SYNPR: variants seen among roughly 807,000 people sequenced by gnomAD.
The protein encoded by SYNPR is synaptoporin.
SYNPR carries 23 observed loss-of-function variants against 32.9 expected under a neutral mutation model. The observed-to-expected ratio is 0.70, with a 90% confidence interval of 0.50 to 0.99. The LOEUF (loss-of-function observed/expected upper bound fraction) is 0.99. Ranked by LOEUF, SYNPR falls within the 50% of genes least tolerant of loss-of-function variation. SYNPR has a pLI of 0.00. For missense variants in SYNPR, 318 were observed against 349.3 expected, an observed-to-expected ratio of 0.91 and a Z score of 0.71; for synonymous variants, 146 against 135.9, an observed-to-expected ratio of 1.07 and a Z score of -0.52.
At chr3:63,556,142 G>T (rs149547218) in intron 3 of SYNPR, among the ~76,000 whole-genome samples, 1 of 152,328 alleles carries the variant, frequency 6.6e-6, no homozygotes, top group Admixed American at 6.5e-5. Context: ...GAAACAGGGT[G>T]ATGGAGGACA....
At chr3:63,274,784 G>A (rs889056726), upstream of SYNPR, among the ~76,000 whole-genome samples, 5 of 152,158 alleles carry the variant, frequency 3.3e-5, no homozygotes, top group Non-Finnish European at 5.9e-5. Flanking sequence ...ATATTGAGCA[G>A]CATCTCTTGC....
chr3:63,279,988 T>C (rs1228537773), intron 2 of SYNPR, among the ~76,000 whole-genome samples: 4 of 152,240 alleles, frequency 2.6e-5, no homozygotes, highest in Non-Finnish European at 4.4e-5. Flanking sequence ...CTGGAAACTT[T>C]CAGTTTGCTT....
chr3:63,267,006 T>C (rs983170905), intron 2 of SYNPR, among the ~76,000 whole-genome samples: 15 of 152,206 alleles, frequency 9.9e-5, no homozygotes, highest in African/African-American at 3.6e-4. Context: ...AGATAGGCCT[T>C]ATGAAAGTCA....
intron 2 of SYNPR, among the ~76,000 whole-genome samples, chr3:63,266,378 G>T (rs2086485367): frequency 6.6e-6 from 1 of 151,764 alleles, no homozygotes; most frequent in East Asian, 1.9e-4. Context: ...CTAGTATCTT[G>T]TAGGTGCTCA....
chr3:63,498,871 T>C (rs1701424221), intron 3 of SYNPR, among the ~76,000 whole-genome samples: 1 of 150,884 alleles, frequency 6.6e-6, no homozygotes. Flanking sequence ...CTGAGCACTT[T>C]GGGAGGCTGA....
chr3:63,333,532 T>C (rs2087252354), intron 2 of SYNPR, among the ~76,000 whole-genome samples: 2 of 152,156 alleles, frequency 1.3e-5, no homozygotes, highest in Non-Finnish European at 2.9e-5. Context: ...TCCTCCCATC[T>C]CAACCTCTCA....
At chr3:63,476,322 A>AAGGAAGG (rs1700919250) in intron 2 of SYNPR, among the ~76,000 whole-genome samples, 2 of 115,886 alleles carry the variant, frequency 1.7e-5, no homozygotes, top group African/African-American at 3.4e-5. Context: ...GGAGGGAAGC[A>AAGGAAGG]AGGGAAGGAA....
chr3:63,326,619 G>A (rs757502288), intron 2 of SYNPR, among the ~76,000 whole-genome samples: 3 of 152,084 alleles, frequency 2.0e-5, no homozygotes, highest in Non-Finnish European at 4.4e-5. Flanking sequence ...GTCTTATCTA[G>A]AAGCCCAGAA....
chr3:63,269,487 GA>G (rs925403019), intron 3 of SYNPR, among the ~76,000 whole-genome samples: 50 of 142,014 alleles, frequency 3.5e-4, no homozygotes, highest in African/African-American at 1.0e-3. Context: ...CAAAAAAGGA[GA>G]AAAAAAAAAG....
the SYNPR span, chr3:63,203,068 G>GTATATATATATATATATATATATATA: frequency 3.5e-4 from 38 of 108,500 alleles, no homozygotes; most frequent in South Asian, 5.2e-4. Flanking sequence ...ATATGTATGT[G>GTATATATATATATATATATATATATA]TATATATATA....
intron 2 of SYNPR, among the ~76,000 whole-genome samples, chr3:63,381,801 C>CT (rs1463193774): frequency 1.3e-5 from 2 of 152,060 alleles, no homozygotes; most frequent in African/African-American, 4.8e-5. Context: ...TCTCTTCTTC[C>CT]TTTTTCCTGC....
intron 4 of SYNPR, among the ~76,000 whole-genome samples, chr3:63,577,312 C>T (rs561114588): frequency 3.9e-5 from 6 of 152,276 alleles, no homozygotes; most frequent in East Asian, 3.9e-4. Context: ...CAAAATACTG[C>T]GCTAGGCCCT....
intron 2 of SYNPR, among the ~76,000 whole-genome samples, chr3:63,371,983 G>A: frequency 6.6e-6 from 1 of 152,092 alleles, no homozygotes; most frequent in East Asian, 1.9e-4. Context: ...TTCCCTGCAA[G>A]CCCTCAATCC....
intron 2 of SYNPR, among the ~76,000 whole-genome samples, chr3:63,320,758 T>G (rs1344098660): frequency 2.6e-5 from 4 of 152,122 alleles, no homozygotes; most frequent in African/African-American, 7.2e-5. Flanking sequence ...TTTAGTGACT[T>G]TATTCATGGA....
chr3:63,369,152 A>G (rs957145024), intron 2 of SYNPR, among the ~76,000 whole-genome samples: 3 of 152,158 alleles, frequency 2.0e-5, no homozygotes, highest in African/African-American at 7.2e-5. Context: ...TAGGAAGTGA[A>G]AGAGACACCA....
chr3:63,283,112 C>A (rs1037378581), intron 2 of SYNPR, among the ~76,000 whole-genome samples: 1 of 152,180 alleles, frequency 6.6e-6, no homozygotes, highest in Non-Finnish European at 1.5e-5. Flanking sequence ...CACCTGTCTA[C>A]AGTTGTGCAC....
intron 3 of SYNPR, among the ~76,000 whole-genome samples, chr3:63,505,009 G>A (rs1411710586): frequency 6.6e-6 from 1 of 152,096 alleles, no homozygotes; most frequent in East Asian, 1.9e-4. Flanking sequence ...GAGTGTGTCT[G>A]TGAGTGAAAG....
intron 2 of SYNPR, among the ~76,000 whole-genome samples, chr3:63,350,204 A>T (rs1456020445): frequency 1.4e-5 from 2 of 140,404 alleles, no homozygotes; most frequent in Non-Finnish European, 3.1e-5. Context: ...GTAGAGGTTA[A>T]TATTATTCTA....
chr3:63,501,759 TA>T (rs1347974897), intron 3 of SYNPR, among the ~76,000 whole-genome samples: 1 of 152,186 alleles, frequency 6.6e-6, no homozygotes, highest in East Asian at 1.9e-4. Flanking sequence ...CATTGTTATC[TA>T]TTTTTTGAAA....
Sources: allele counts gnomAD v4.1 joint callset (sites outside exome capture counted in the v4.1 genomes callset), GRCh38; gene constraint gnomAD v4.1.1; transcripts MANE v1.5; gene names NCBI Gene and HGNC (gene_info 2026-07-23, HGNC 2026-07-21).